The following DPP6 variants were observed in gnomAD, a reference collection of about 807,000 sequenced individuals.
DPP6 encodes A-type potassium channel modulatory protein DPP6.
Under a neutral mutation model 122.6 loss-of-function variants are expected in DPP6, and 69 were observed. That is an observed-to-expected ratio of 0.56 (90% CI 0.46 to 0.69). The LOEUF is 0.69. DPP6 is among the 30% of genes least tolerant of loss of function. The pLI, the probability that DPP6 is intolerant of heterozygous loss-of-function variation, is 0.00. For missense variants in DPP6, 928 were observed against 1,116.9 expected (o/e 0.83, Z 2.41); for synonymous variants, 418 against 433.1 (o/e 0.97, Z 0.43).
intron 1 of DPP6, among the ~76,000 whole-genome samples, chr7:154,304,868 C>G (rs939087904): frequency 2.0e-5 from 3 of 152,200 alleles, no homozygotes; most frequent in Non-Finnish European, 4.4e-5. Flanking sequence ...ACCTCTGCCC[C>G]CTGTCCAGGT....
At chr7:154,771,994 T>C (rs373900822) in intron 9 of DPP6, among the ~76,000 whole-genome samples, 12 of 152,328 alleles carry the variant, frequency 7.9e-5, no homozygotes, top group East Asian at 3.9e-4. Flanking sequence ...ATGGTTCCCA[T>C]GGTTATCTTT....
At chr7:153,861,669 A>G in the DPP6 span, among the ~76,000 whole-genome samples, 1 of 152,230 alleles carries the variant, frequency 6.6e-6, no homozygotes, top group Admixed American at 6.5e-5. Context: ...TATGTTTATT[A>G]TCTAGAAGAT....
chr7:154,878,238 A>G (rs1805054454), intron 20 of DPP6, among the ~76,000 whole-genome samples: 1 of 152,232 alleles, frequency 6.6e-6, no homozygotes. Context: ...TCTTCCCCAA[A>G]GAGCACAGGA....
chr7:153,920,410 T>C lies in DPP6; in HGVS notation c.51+32676T>C, dbSNP rs141991327. ...ATGTTGCAATCATTAATAGAACTGA[T>C]CTAAAAGGAAGAAAGAGAGAAAGAC... On this transcript the variant is annotated intron_variant, in intron 1 of 25. Coordinates refer to the DPP6 transcript ENST00000404039. Among the ~76,000 whole-genome samples the C allele has an allele frequency of 1.1e-3, 174 of 151,962 alleles. 3 individuals carry two copies. Among genetic ancestry groups the C allele is most frequent in the Admixed American group, 0.01 (153 of 15,264 alleles).
At chr7:154,323,233 A>C (rs1284610140) in intron 1 of DPP6, among the ~76,000 whole-genome samples, 1 of 152,242 alleles carries the variant, frequency 6.6e-6, no homozygotes, top group African/African-American at 2.4e-5. Flanking sequence ...TTTCCAAGAT[A>C]GCTCTATCGT....
chr7:153,955,595 C>T (rs11768527), intron 1 of DPP6, among the ~76,000 whole-genome samples: 65,801 of 151,746 alleles, frequency 0.43, 14,491 homozygotes, highest in Admixed American at 0.52. Context: ...CCCGCCACCA[C>T]GCCTGGTTAA....
intron 4 of DPP6, among the ~76,000 whole-genome samples, chr7:154,555,214 A>G (rs1310112660): frequency 6.6e-6 from 1 of 152,204 alleles, no homozygotes; most frequent in Non-Finnish European, 1.5e-5. Flanking sequence ...CTTTTTTCTC[A>G]TAATAGAATT....
At chr7:153,922,236 G>T (rs1289946395) in intron 1 of DPP6, among the ~76,000 whole-genome samples, 1 of 152,212 alleles carries the variant, frequency 6.6e-6, no homozygotes, top group East Asian at 1.9e-4. Flanking sequence ...TGAGGTGGCT[G>T]ATGCCTGTAA....
At chr7:153,794,165 C>T in the DPP6 span, among the ~76,000 whole-genome samples, 1 of 152,192 alleles carries the variant, frequency 6.6e-6, no homozygotes, top group African/African-American at 2.4e-5. Flanking sequence ...CCTCCAGACC[C>T]TAGAATGGTA....
intron 1 of DPP6, among the ~76,000 whole-genome samples, chr7:153,980,875 C>G (rs1796548410): frequency 6.6e-6 from 1 of 152,174 alleles, no homozygotes; most frequent in Non-Finnish European, 1.5e-5. Context: ...GTGTCTTAAT[C>G]CTGAGTTCTA....
At chr7:154,883,877 A>ACGCTCACACACATACACACGAG (rs1805759256) in intron 21 of DPP6, 1 of 68,022 alleles carries the variant, frequency 1.5e-5, no homozygotes, top group Non-Finnish European at 2.9e-5. Context: ...ATGCTCCCAC[A>ACGCTCACACACATACACACGAG]TACATACATG....
intron 1 of DPP6, among the ~76,000 whole-genome samples, chr7:153,887,886 G>T (rs909086019): frequency 6.9e-6 from 1 of 144,088 alleles, no homozygotes; most frequent in African/African-American, 2.5e-5. Flanking sequence ...CTTCCCACCC[G>T]AGCCCACCCA....
At chr7:154,215,681 T>C (rs1799958603) in intron 1 of DPP6, among the ~76,000 whole-genome samples, 1 of 152,094 alleles carries the variant, frequency 6.6e-6, no homozygotes, top group African/African-American at 2.4e-5. Context: ...AGACAGTCTT[T>C]TGGAAATGCA....
At chr7:154,647,557 A>G (rs1387182) in intron 6 of DPP6, among the ~76,000 whole-genome samples, 22,568 of 152,118 alleles carry the variant, frequency 0.15, 1,974 homozygotes, top group African/African-American at 0.25. Flanking sequence ...AAGGGGCACC[A>G]GACGTTGGTT....
chr7:154,086,095 C>A (rs1804398066), intron 1 of DPP6, among the ~76,000 whole-genome samples: 1 of 152,056 alleles, frequency 6.6e-6, no homozygotes, highest in African/African-American at 2.4e-5. Context: ...TTGCATTGTC[C>A]TGGTTATTTA....
intron 10 of DPP6, among the ~76,000 whole-genome samples, chr7:154,792,400 T>C (rs950347770): frequency 2.0e-5 from 3 of 152,294 alleles, no homozygotes; most frequent in Non-Finnish European, 4.4e-5. Context: ...AAGTGTTCTA[T>C]GTAAAGCAAG....
At chr7:153,824,679 C>T in the DPP6 span, among the ~76,000 whole-genome samples, 2 of 150,934 alleles carry the variant, frequency 1.3e-5, no homozygotes, top group Middle Eastern at 3.4e-3. Context: ...AGTAAAACTC[C>T]ATCTCAAAAA....
chr7:154,870,353 C>G (rs1354557822), intron 18 of DPP6, among the ~76,000 whole-genome samples: 1 of 152,092 alleles, frequency 6.6e-6, no homozygotes, highest in Non-Finnish European at 1.5e-5. Context: ...GCCTGGATTC[C>G]CATTACTTTG....
intron 1 of DPP6, among the ~76,000 whole-genome samples, chr7:153,930,760 T>C (rs943117481): frequency 1.3e-5 from 2 of 152,194 alleles, no homozygotes. Context: ...AGGCAGAGTT[T>C]GGCTTTTGGA....
Sources: allele counts gnomAD v4.1 joint callset (sites outside exome capture counted in the v4.1 genomes callset), GRCh38; gene constraint gnomAD v4.1.1; transcripts MANE v1.5; gene names NCBI Gene and HGNC (gene_info 2026-07-23, HGNC 2026-07-21).